NCOR2: variants seen among roughly 807,000 people sequenced by gnomAD.
The protein encoded by NCOR2 is CTG repeat protein 26.
Under a neutral mutation model 262.9 loss-of-function variants are expected in NCOR2, and 81 were observed. The ratio of observed to expected loss-of-function variants is 0.31; its 90% CI spans 0.26 to 0.37. The LOEUF is 0.37. Among genes scored for constraint, NCOR2 ranks in the 10% least tolerant of loss-of-function variants. NCOR2 has a pLI of 1.00. For synonymous variants in NCOR2, 1,659 were observed against 1,559.3 expected, an observed-to-expected ratio of 1.06 and a Z score of -1.51; for missense variants, 3,385 against 3,621.4, an observed-to-expected ratio of 0.93 and a Z score of 1.68.
At chr12:124,331,987 C>G (rs1025891525) in intron 43 of NCOR2, 1 of 325,186 alleles carries the variant, frequency 3.1e-6, no homozygotes, top group Non-Finnish European at 5.9e-6. Context: ...CAAAGCCACA[C>G]AGGTGCTGAG....
intron 1 of NCOR2, among the ~76,000 whole-genome samples, chr12:124,562,719 A>C (rs1175618846): frequency 6.6e-6 from 1 of 152,258 alleles, no homozygotes; most frequent in Non-Finnish European, 1.5e-5. Context: ...AACAAGCCGA[A>C]GCCTGGGGCT....
exon 20 of NCOR2, chr12:124,372,238 C>T (rs1391447994): frequency 1.3e-6 from 2 of 1,596,352 alleles, no homozygotes; most frequent in Admixed American, 1.7e-5. Flanking sequence ...CGTGCACTCG[C>T]TCTTGACGGG....
intron 1 of NCOR2, among the ~76,000 whole-genome samples, chr12:124,521,566 G>C (rs934373383): frequency 1.3e-5 from 2 of 152,298 alleles, no homozygotes; most frequent in East Asian, 1.9e-4. Flanking sequence ...AGTCCACAGA[G>C]GCAGAAGGCA....
At chr12:124,435,479 G>A (rs1489455614) in intron 8 of NCOR2, among the ~76,000 whole-genome samples, 2 of 152,224 alleles carry the variant, frequency 1.3e-5, no homozygotes, top group Admixed American at 6.5e-5. Context: ...AGGGCTGCCC[G>A]CAGCTTCCCA....
At chr12:124,373,491 A>G (rs28583303) in intron 19 of NCOR2, among the ~76,000 whole-genome samples, 50 of 87,472 alleles carry the variant, frequency 5.7e-4, no homozygotes, top group African/African-American at 2.4e-3. Context: ...GGCACAGTGG[A>G]CAGTGAGGCC....
intron 20 of NCOR2, among the ~76,000 whole-genome samples, chr12:124,368,512 G>A (rs1376319474): frequency 3.3e-5 from 5 of 152,148 alleles, no homozygotes; most frequent in Non-Finnish European, 5.9e-5. Context: ...ACTTCCACCC[G>A]TGGGGCCTGC....
At chr12:124,402,372 C>G in intron 14 of NCOR2, 32 bp downstream of exon 16, 1 of 1,611,292 alleles carries the variant, frequency 6.2e-7, no homozygotes. Flanking sequence ...GGTCAGCGGC[C>G]GGGCCCTGCA....
chr12:124,417,170 AC>A (rs2042940160), intron 13 of NCOR2, among the ~76,000 whole-genome samples: 1 of 148,774 alleles, frequency 6.7e-6, no homozygotes, highest in African/African-American at 2.5e-5. Context: ...CCGGACACTC[AC>A]TCCACGCAGA....
At chr12:124,374,239 A>G (rs1399508284) in intron 19 of NCOR2, among the ~76,000 whole-genome samples, 174 bp downstream of exon 21, 1 of 152,224 alleles carries the variant, frequency 6.6e-6, no homozygotes, top group Non-Finnish European at 1.5e-5. Context: ...CGGGACCAGC[A>G]TGGGGAACAG....
chr12:124,393,983 G>T (rs1054059879), intron 16 of NCOR2, among the ~76,000 whole-genome samples: 16 of 152,266 alleles, frequency 1.1e-4, no homozygotes, highest in Non-Finnish European at 1.5e-5. Flanking sequence ...AGTTCCTCCA[G>T]TTGTCACTGT....
At chr12:124,493,682 C>A (rs565930021) in intron 1 of NCOR2, among the ~76,000 whole-genome samples, 4 of 152,192 alleles carry the variant, frequency 2.6e-5, no homozygotes, top group Non-Finnish European at 5.9e-5. Context: ...GCTCAGTTAA[C>A]AAGAGCTCTT....
chr12:124,464,853 G>A (rs2046342317), intron 5 of NCOR2, among the ~76,000 whole-genome samples: 1 of 152,202 alleles, frequency 6.6e-6, no homozygotes. Context: ...CAGGATGGCT[G>A]GCTGAAGGAT....
intron 15 of NCOR2, among the ~76,000 whole-genome samples, chr12:124,399,271 G>A (rs1002479009): frequency 3.9e-5 from 6 of 152,128 alleles, no homozygotes; most frequent in Non-Finnish European, 5.9e-5. Context: ...ACTCCCAGAG[G>A]AAGCCTACAG....
At position 124,328,509 on chromosome 12, in the gene NCOR2, C is replaced by A. The variant is rs541548842; in HGVS notation, c.6959-876G>T. 8.5e-5 allele frequency: 13 copies of A among 152,504 alleles called. No homozygotes were observed. The East Asian group carries it at 2.5e-3, about 29-fold the overall frequency. The allele number at this position is 152,504 out of a possible 1,614,324, so 9.4% of individuals were successfully genotyped here. A position where few individuals can be genotyped will look rare whatever the true frequency, so the allele number is the denominator to read the frequency against. Reference sequence around the variant, plus strand: ...CTGACAATCGGGGAAACCTCCTTTTCTGTTAACCACATTTCCTTTCCCTTT... The same window carrying A: ...CTGACAATCGGGGAAACCTCCTTTTATGTTAACCACATTTCCTTTCCCTTT... On this transcript the variant is annotated intron_variant, in intron 44 of 46. Coordinates refer to ENST00000405201, the Ensembl canonical transcript of NCOR2.
Position 124,355,983 on chromosome 12 carries a change from G to A in NCOR2, c.3242-412C>T, listed in dbSNP as rs137938467. 8.5e-4 allele frequency among the ~76,000 whole-genome samples: 129 copies of A among 152,322 alleles called. 2 individuals carry two copies. In the East Asian group the frequency reaches 0.014, roughly 16 times the overall value. ...TCCTCAGGAGAAAGTCTTAGCCCCC[G>A]ACTTGGCCTTCAGGCTCGCCTGACC... On this transcript the variant is annotated intron_variant, in intron 23 of 46. Transcript: ENST00000405201.
intron 1 of NCOR2, among the ~76,000 whole-genome samples, chr12:124,556,889 T>A (rs1274079998): frequency 2.7e-5 from 4 of 148,804 alleles, no homozygotes; most frequent in African/African-American, 9.9e-5. Context: ...GGCAAAGGAA[T>A]GAGACGAGGC....
exon 47 of NCOR2, chr12:124,325,383 C>A (rs1207701405): frequency 2.3e-6 from 1 of 440,024 alleles, no homozygotes; most frequent in Non-Finnish European, 3.5e-6. Flanking sequence ...CACCGCCCCC[C>A]CCCCCGCCCT....
At chr12:124,388,511 C>G (rs895318821) in intron 16 of NCOR2, among the ~76,000 whole-genome samples, 4 of 152,252 alleles carry the variant, frequency 2.6e-5, no homozygotes, top group Admixed American at 2.0e-4. Context: ...TTCAGCCCAG[C>G]AGGGAGAGAG....
chr12:124,416,433 G>T (rs2042861815), intron 13 of NCOR2, among the ~76,000 whole-genome samples: 1 of 152,200 alleles, frequency 6.6e-6, no homozygotes, highest in African/African-American at 2.4e-5. Context: ...GTCCGCCTGT[G>T]GGGCTGCTCC....
Sources: allele counts gnomAD v4.1 joint callset (sites outside exome capture counted in the v4.1 genomes callset), GRCh38; gene constraint gnomAD v4.1.1; transcripts MANE v1.5; gene names NCBI Gene and HGNC (gene_info 2026-07-23, HGNC 2026-07-21).